Variants in IL11RA observed in about 807,000 individuals in gnomAD.
The protein encoded by IL11RA is interleukin-11 receptor subunit alpha.
A neutral mutation model predicts 57.0 loss-of-function variants in IL11RA; 51 were observed. That is an observed-to-expected ratio of 0.89 (90% CI 0.71 to 1.13). The LOEUF (loss-of-function observed/expected upper bound fraction) is 1.13, where lower values mean the gene tolerates loss of function less well. IL11RA is among the 50% of genes most tolerant of loss of function. The probability of loss-of-function intolerance (pLI) is 0.00; values close to 1 mark genes in which losing one functional copy is unlikely to be tolerated. For missense variants in IL11RA, 498 were observed against 539.4 expected (o/e 0.92, Z 0.76); for synonymous variants, 199 against 217.5 (o/e 0.91, Z 0.75).
chr9:34,659,619 A>C, intron 8 of IL11RA, 140 bp from the exon 9 acceptor site: 1 of 1,018,798 alleles, frequency 9.8e-7, no homozygotes, highest in South Asian at 1.3e-5. Flanking sequence ...ACTCAGCTCC[A>C]CCAGACACCC....
At position 34,655,335 on chromosome 9, in the gene IL11RA, C is replaced by A; in HGVS notation, c.100+18C>A. On this transcript the variant is annotated intron_variant, in intron 2 of 12. Coordinates refer to ENST00000441545, the MANE Select transcript of IL11RA (RefSeq NM_001142784.3). ...CCCCCCAGGTGAGAAGAACCCTGCT[C>A]TACAACCTCCCAACTCTGACTTGTG... The A allele has an allele frequency of 7.1e-7, 1 of 1,405,744 alleles. No individual in the cohort carries two copies. Among genetic ancestry groups the A allele is most frequent in the Non-Finnish European group, 1.0e-6 (1 of 994,886 alleles). The allele number at this position is 1,405,744 out of a possible 1,614,324, so 87.1% of individuals were successfully genotyped here. A position where few individuals can be genotyped will look rare whatever the true frequency, so the allele number is the denominator to read the frequency against.
intron 8 of IL11RA, among the ~76,000 whole-genome samples, chr9:34,659,518 A>G (rs1392286229): frequency 1.3e-5 from 2 of 152,224 alleles, no homozygotes; most frequent in Non-Finnish European, 2.9e-5. Flanking sequence ...GTCATTCAAT[A>G]TGTGGTTCAC....
intron 1 of IL11RA, chr9:34,655,016 T>TGTGCGC (rs1020616428): frequency 1.8e-6 from 1 of 556,722 alleles, no homozygotes; most frequent in African/African-American, 1.9e-5. Context: ...TGTGTGTGTG[T>TGTGCGC]GCGCGCGCAC....
Position 34,658,481 on chromosome 9 carries a change from C to T in IL11RA, c.647-39C>T, listed in dbSNP as rs116312491. On this transcript the variant is annotated intron_variant, in intron 7 of 12. Transcript: ENST00000441545. The surrounding 1 kb of genome is among the most constrained non-coding windows in gnomAD (Gnocchi z 4.0). ...GGAAGTGGTGGGGAAGTGATGGAGACCCATAGCCTACCCTGACTTTGTGTC... is the reference window on the plus strand; with the variant it reads ...GGAAGTGGTGGGGAAGTGATGGAGATCCATAGCCTACCCTGACTTTGTGTC... 9.0e-4 allele frequency: 1,449 copies of T among 1,609,070 alleles called. 9 individuals are homozygous for T. In the African/African-American group the frequency reaches 0.017, roughly 19 times the overall value.
At position 34,653,503 on chromosome 9, in the gene IL11RA, C is replaced by CAGCT. The variant is rs1821288257; in HGVS notation, c.-1+1271_-1+1274dup. Among the ~76,000 whole-genome samples, 1 of 152,148 alleles carries CAGCT rather than the reference C, an allele frequency of 6.6e-6. No homozygotes were observed. The highest frequency in any genetic ancestry group is 1.5e-5 in the Non-Finnish European group (1 of 68,034). ...GCCTCCCTTCCCCTGGAAGCACAGC[C>CAGCT]AGCTGTACCCTAAGGAAACATTTGG... On this transcript the variant is annotated intron_variant, in intron 1 of 12. Coordinates refer to ENST00000441545, the MANE Select transcript of IL11RA (RefSeq NM_001142784.3). This position sits in a 1 kb window ranked among gnomAD's most constrained non-coding sequence, Gnocchi z 4.5.
chr9:34,657,411 T>G lies in IL11RA; in HGVS notation c.480-10T>G. 6.2e-7 allele frequency: 1 copy of G among 1,614,048 alleles called. No homozygotes were observed. Among genetic ancestry groups the G allele is most frequent in the East Asian group, 2.2e-5 (1 of 44,876 alleles). On this transcript the variant is annotated splice_polypyrimidine_tract_variant and intron_variant, in intron 6 of 12. Coordinates refer to ENST00000441545, the MANE Select transcript of IL11RA (RefSeq NM_001142784.3). ...ATTTTCAAAGCCAAAGACCACATCC[T>G]CCCTTCTAGGAGGAGTCCATCCACA...
At chr9:34,654,939 G>T in intron 1 of IL11RA, 1 of 402,872 alleles carries the variant, frequency 2.5e-6, no homozygotes, top group Non-Finnish European at 4.6e-6. Context: ...TCCGGCTTTT[G>T]TTCTGGGCCC....
chr9:34,656,257 C>G lies in IL11RA; in HGVS notation c.162-482C>G, dbSNP rs142928978. Among the ~76,000 whole-genome samples the G allele has an allele frequency of 9.2e-5, 14 of 152,164 alleles. No individual in the cohort carries two copies. The East Asian group carries it at 2.7e-3, about 29-fold the overall frequency. Reference sequence around the variant, plus strand: ...TACCATGTTGGTCAGGCTTTGAACTCCTGACTTCAAGTAATCCACCCACCT... The same window carrying G: ...TACCATGTTGGTCAGGCTTTGAACTGCTGACTTCAAGTAATCCACCCACCT... On this transcript the variant is annotated intron_variant, in intron 3 of 12. Coordinates refer to ENST00000441545, the MANE Select transcript of IL11RA (RefSeq NM_001142784.3).
chr9:34,661,448 C>A lies in IL11RA; in HGVS notation c.1253-34C>A, dbSNP rs758558358. On this transcript the variant is annotated intron_variant, in intron 12 of 12. Coordinates refer to ENST00000441545, the MANE Select transcript of IL11RA (RefSeq NM_001142784.3). ...GTGTCTGGGCCAAGATCCGGTCTTA[C>A]TGTCTCTCCTGATTTGCCTCCTGCT... 7 of 1,612,728 alleles carry A rather than the reference C, an allele frequency of 4.3e-6. No individual in the cohort carries two copies. The South Asian group carries it at 6.6e-5, about 15-fold the overall frequency.
chr9:34,660,405 C>A lies in IL11RA; in HGVS notation c.1072+12C>A, dbSNP rs371336564. On this transcript the variant is annotated intron_variant, in intron 10 of 12. Transcript: ENST00000441545. ...CCCTCGGCTACTTGGTGAGCTTGGG[C>A]AGATGGGCAAGACTTGTAAAGGACT... 4.8e-5 allele frequency: 78 copies of A among 1,613,834 alleles called. No individual in the cohort carries two copies. The highest frequency in any genetic ancestry group is 2.8e-4 in the Admixed American group (17 of 59,954).
rs1821381507 is a variant in IL11RA at position 34,658,076 on chromosome 9, G to A, written c.647-444G>A. Among the ~76,000 whole-genome samples the A allele has an allele frequency of 6.6e-6, 1 of 152,038 alleles. No individual in the cohort carries two copies. The highest frequency in any genetic ancestry group is 1.5e-5 in the Non-Finnish European group (1 of 68,022). ...TTGTTGAGATAGGGTCTCACTTTGT[G>A]CCCAGGCTGGATGAAGTTCAGTGGT... On this transcript the variant is annotated intron_variant, in intron 7 of 12. Transcript: ENST00000441545. The surrounding 1 kb of genome is among the most constrained non-coding windows in gnomAD (Gnocchi z 4.0).
At position 34,656,761 on chromosome 9, in the gene IL11RA, G is replaced by A; in HGVS notation, c.184G>A (p.Asp62Asn). 1 of 1,614,204 alleles carries A rather than the reference G, an allele frequency of 6.2e-7. No homozygotes were observed. Among genetic ancestry groups the A allele is most frequent in the Non-Finnish European group, 8.5e-7 (1 of 1,180,046 alleles). The change falls in exon 4 of 13, where the codon GAT becomes AAT. Residue 62 changes from aspartate (D) to asparagine (N), a missense_variant. Transcript: ENST00000441545. ...TAGDPVSWFR[D>N]GEPKLLQGPD... ...CAGGGACCCAGTGTCCTGGTTTCGG[G>A]ATGGGGAGCCAAAGCTGCTCCAGGG...
intron 7 of IL11RA, 70 bp downstream of exon 7, chr9:34,657,657 C>A: frequency 7.0e-7 from 1 of 1,431,668 alleles, no homozygotes; most frequent in African/African-American, 1.4e-5. Flanking sequence ...GATCTCTCCA[C>A]TCCCAGAGTT....
At chr9:34,654,432 T>G (rs1026701161) in intron 1 of IL11RA, among the ~76,000 whole-genome samples, 1 of 136,628 alleles carries the variant, frequency 7.3e-6, no homozygotes, top group South Asian at 2.5e-4. Flanking sequence ...TCTCATCCCC[T>G]TCCCTCCCCT....
rs778751246 is a variant in IL11RA, at chr9:34,659,835, G to A, written c.887G>A (p.Arg296Gln). 56 of 1,614,052 alleles carry A rather than the reference G, an allele frequency of 3.5e-5. No individual in the cohort carries two copies. The highest frequency in any genetic ancestry group is 4.1e-5 in the Non-Finnish European group (48 of 1,180,036). ...GLPHAVRVSARDFLDAGTWST... is the reference protein window; with the variant it reads ...GLPHAVRVSAQDFLDAGTWST... ...CCCCATGCTGTACGAGTCAGTGCCC[G>A]GGACTTTCTAGATGCTGGCACCTGG... The change falls in exon 9 of 13, where the codon CGG becomes CAG. Residue 296 changes from arginine (R) to glutamine (Q), a missense_variant. Coordinates refer to ENST00000441545, the MANE Select transcript of IL11RA (RefSeq NM_001142784.3).
In IL11RA at chr9:34,659,807, C is replaced by CT; in HGVS notation, c.860dup (p.Pro288AlafsTer71). 1 of 1,614,180 alleles carries CT rather than the reference C, an allele frequency of 6.2e-7. No individual in the cohort carries two copies. Among genetic ancestry groups the CT allele is most frequent in the Non-Finnish European group, 8.5e-7 (1 of 1,180,020 alleles). Reference sequence around the variant, plus strand: ...GGTGATCACAGATGCTGTGGCTGGGCTGCCCCATGCTGTACGAGTCAGTGC... The same window carrying CT: ...GGTGATCACAGATGCTGTGGCTGGGCTTGCCCCATGCTGTACGAGTCAGTGC... On this transcript the variant is annotated frameshift_variant, in exon 9 of 13. Coordinates refer to ENST00000441545, the MANE Select transcript of IL11RA (RefSeq NM_001142784.3). LOFTEE classifies it high-confidence loss of function.
At position 34,661,825 on chromosome 9, in the gene IL11RA, C is replaced by T. The variant is rs1821463554; in HGVS notation, c.*327C>T. On this transcript the variant is annotated 3_prime_UTR_variant, in exon 13 of 13. Coordinates refer to ENST00000441545, the MANE Select transcript of IL11RA (RefSeq NM_001142784.3). ...GGGGAGTGTGTGTGGGTCCTTGGCT[C>T]TTGGCCTTTCCCCTTGCAGGGGTTG... 1.6e-6 allele frequency: 2 copies of T among 1,225,646 alleles called. No homozygotes were observed. Among genetic ancestry groups the T allele is most frequent in the Admixed American group, 1.9e-5 (1 of 51,792 alleles). 75.9% of individuals were successfully genotyped at this position (1,225,646 alleles called of 1,614,324 possible).
intron 12 of IL11RA, 152 bp from the exon 13 acceptor site, chr9:34,661,330 T>G: frequency 1.2e-6 from 1 of 843,316 alleles, no homozygotes; most frequent in Non-Finnish European, 2.1e-6. Context: ...TCCCGTATCT[T>G]CAGTGTGTTG....
intron 1 of IL11RA, among the ~76,000 whole-genome samples, chr9:34,654,853 A>C (rs960748119): frequency 2.0e-5 from 3 of 152,060 alleles, no homozygotes; most frequent in African/African-American, 7.2e-5. Flanking sequence ...GGAGTGGCTG[A>C]GCTGGTGCCA....
Sources: allele counts gnomAD v4.1 joint callset (sites outside exome capture counted in the v4.1 genomes callset), GRCh38; gene constraint gnomAD v4.1.1; non-coding constraint Gnocchi (gnomAD v3.1); transcripts MANE v1.5; gene names NCBI Gene and HGNC (gene_info 2026-07-23, HGNC 2026-07-21).